IGSF21: variants seen among roughly 807,000 people sequenced by gnomAD.
IGSF21 encodes immunoglobin superfamily member 21.
A neutral mutation model predicts 46.8 loss-of-function variants in IGSF21; 28 were observed. The ratio of observed to expected loss-of-function variants is 0.60; its 90% CI spans 0.44 to 0.82. The LOEUF (loss-of-function observed/expected upper bound fraction) is 0.82, where lower values mean the gene tolerates loss of function less well. Among genes scored for constraint, IGSF21 ranks in the 40% least tolerant of loss-of-function variants. The pLI is 0.00. For synonymous variants in IGSF21, 284 were observed against 273.6 expected (o/e 1.04, Z -0.38); for missense variants, 624 against 665.5 (o/e 0.94, Z 0.69).
At chr1:18,297,119 C>T (rs75925555) in intron 3 of IGSF21, among the ~76,000 whole-genome samples, 1 of 152,312 alleles carries the variant, frequency 6.6e-6, no homozygotes, top group East Asian at 1.9e-4. Context: ...CCCGCCCCCC[C>T]ACTAGACTGG....
chr1:18,178,366 C>T (rs1332478999), intron 1 of IGSF21, among the ~76,000 whole-genome samples: 2 of 152,130 alleles, frequency 1.3e-5, no homozygotes, highest in South Asian at 2.1e-4. Context: ...GGGTTTCAGC[C>T]GAATGTCTTT....
intron 3 of IGSF21, among the ~76,000 whole-genome samples, chr1:18,330,703 G>A (rs1438525866): frequency 6.6e-6 from 1 of 151,978 alleles, no homozygotes; most frequent in Non-Finnish European, 1.5e-5. Flanking sequence ...AGATGTAGAA[G>A]GAAAAAGTGT....
At chr1:18,329,144 G>A (rs1204601754) in intron 3 of IGSF21, among the ~76,000 whole-genome samples, 2 of 152,172 alleles carry the variant, frequency 1.3e-5, no homozygotes, top group African/African-American at 4.8e-5. Context: ...AAGATCTGGG[G>A]GCAGTGGGGG....
intron 1 of IGSF21, among the ~76,000 whole-genome samples, chr1:18,200,346 T>C (rs959978235): frequency 8.5e-5 from 13 of 152,208 alleles, no homozygotes; most frequent in African/African-American, 2.9e-4. Flanking sequence ...AGGACTGCTG[T>C]AACAGTGACT....
intron 4 of IGSF21, among the ~76,000 whole-genome samples, chr1:18,351,269 C>T (rs1468186546): frequency 6.6e-6 from 1 of 151,548 alleles, no homozygotes; most frequent in South Asian, 2.1e-4. Flanking sequence ...TCCCCACCCT[C>T]GCATGAGACA....
intron 5 of IGSF21, among the ~76,000 whole-genome samples, chr1:18,363,316 C>T (rs1355654565): frequency 6.6e-6 from 1 of 152,162 alleles, no homozygotes; most frequent in Non-Finnish European, 1.5e-5. Context: ...CATTCCAGAC[C>T]CAATTGTCTC....
Position 18,187,087 on chromosome 1 carries a change from T to C in IGSF21, c.71-40811T>C, listed in dbSNP as rs373138199. On this transcript the variant is annotated intron_variant, in intron 1 of 9. Transcript: ENST00000251296. ...TGGCTTCAACTATAGATTATTTTTTTTTTTCTCACAGTTCTGGGGACTAGG... is the reference window on the plus strand; with the variant it reads ...TGGCTTCAACTATAGATTATTTTTTCTTTTCTCACAGTTCTGGGGACTAGG... Among the ~76,000 whole-genome samples the C allele has an allele frequency of 3.5e-3, 532 of 152,278 alleles. 27 individuals carry two copies. In the South Asian group the frequency reaches 0.1, roughly 29 times the overall value.
intron 2 of IGSF21, among the ~76,000 whole-genome samples, chr1:18,245,512 AT>A (rs912281902): frequency 1.3e-5 from 2 of 152,122 alleles, no homozygotes; most frequent in African/African-American, 4.8e-5. Flanking sequence ...AATGCAATTG[AT>A]TTTTTGTGGC....
At chr1:18,243,100 C>T (rs2084749536) in intron 2 of IGSF21, among the ~76,000 whole-genome samples, 1 of 152,158 alleles carries the variant, frequency 6.6e-6, no homozygotes, top group Non-Finnish European at 1.5e-5. Context: ...CTGGGGTGCC[C>T]TGCAATGGAG....
At chr1:18,237,861 T>A (rs944189994) in intron 2 of IGSF21, among the ~76,000 whole-genome samples, 1 of 151,944 alleles carries the variant, frequency 6.6e-6, no homozygotes, top group Non-Finnish European at 1.5e-5. Context: ...TCCCAGAGAG[T>A]TTAGGGGATT....
intron 2 of IGSF21, among the ~76,000 whole-genome samples, chr1:18,282,463 G>A (rs912871069): frequency 4.6e-5 from 7 of 152,074 alleles, no homozygotes; most frequent in Non-Finnish European, 1.0e-4. Context: ...CTGCATGGGA[G>A]GTGGAGAAGG....
intron 1 of IGSF21, among the ~76,000 whole-genome samples, chr1:18,206,916 C>T (rs905630457): frequency 2.0e-5 from 3 of 152,236 alleles, no homozygotes; most frequent in African/African-American, 7.2e-5. Flanking sequence ...CAGTTTACAA[C>T]ACCACCTGTC....
At chr1:18,237,979 C>T (rs1341305) in intron 2 of IGSF21, among the ~76,000 whole-genome samples, 24,868 of 150,894 alleles carry the variant, frequency 0.16, 4,533 homozygotes, top group African/African-American at 0.41. Context: ...GCCTCAGGGT[C>T]CCTAGGAAAT....
chr1:18,255,392 C>A (rs2084882444), intron 2 of IGSF21, among the ~76,000 whole-genome samples: 2 of 152,266 alleles, frequency 1.3e-5, no homozygotes, highest in South Asian at 2.1e-4. Context: ...GTGCCCTCTG[C>A]CTGTTGCAAT....
Position 18,227,787 on chromosome 1 carries a change from C to T in IGSF21, c.71-111C>T, listed in dbSNP as rs952153611. 8.0e-6 allele frequency: 6 copies of T among 746,748 alleles called. No homozygotes were observed. The African/African-American group carries it at 8.6e-5, about 11-fold the overall frequency. The allele number at this position is 746,748 out of a possible 1,614,324, so 46.3% of individuals were successfully genotyped here. A position where few individuals can be genotyped will look rare whatever the true frequency, so the allele number is the denominator to read the frequency against. ...AGCGTCCCTCAAAGTTGTGCAACTA[C>T]AGACCCCAAACTTCCCTCCTCTGTC... is the stretch of plus-strand genomic sequence containing the variant. On this transcript the variant is annotated intron_variant, in intron 1 of 9. Coordinates refer to ENST00000251296, the MANE Select transcript of IGSF21 (RefSeq NM_032880.5).
intron 2 of IGSF21, among the ~76,000 whole-genome samples, chr1:18,269,409 G>A (rs1221512016): frequency 1.3e-5 from 2 of 152,228 alleles, no homozygotes; most frequent in Admixed American, 1.3e-4. Context: ...AGGACTTGTT[G>A]GAGGAGGAGG....
chr1:18,107,910 G>A lies in IGSF21; in HGVS notation c.-219G>A, dbSNP rs948987133. 6 of 179,232 alleles carry A rather than the reference G, an allele frequency of 3.3e-5. No homozygotes were observed. Among genetic ancestry groups the A allele is most frequent in the Non-Finnish European group, 6.9e-5 (6 of 86,766 alleles). 11.1% of individuals were successfully genotyped at this position (179,232 alleles called of 1,614,324 possible). ...CGAGCCCCGAGGACGCCCAGAGCGCGAGGGTCGCTGCGCCTCGCAGAGCCG... is the reference window on the plus strand; with the variant it reads ...CGAGCCCCGAGGACGCCCAGAGCGCAAGGGTCGCTGCGCCTCGCAGAGCCG... On this transcript the variant is annotated 5_prime_UTR_variant, in exon 1 of 10. Transcript: ENST00000251296.
At chr1:18,371,516 G>A (rs1313459852) in intron 6 of IGSF21, among the ~76,000 whole-genome samples, 1 of 150,838 alleles carries the variant, frequency 6.6e-6, no homozygotes, top group Non-Finnish European at 1.5e-5. Context: ...AGGTTGCAGT[G>A]AGCTGAGATT....
At chr1:18,225,832 A>G (rs1406066677) in intron 1 of IGSF21, among the ~76,000 whole-genome samples, 1 of 151,988 alleles carries the variant, frequency 6.6e-6, no homozygotes, top group Non-Finnish European at 1.5e-5. Flanking sequence ...ACTTTCTCTC[A>G]CCTCTTCCGA....
Sources: allele counts gnomAD v4.1 joint callset (sites outside exome capture counted in the v4.1 genomes callset), GRCh38; gene constraint gnomAD v4.1.1; transcripts MANE v1.5; gene names NCBI Gene and HGNC (gene_info 2026-07-23, HGNC 2026-07-21).